The following GRID2 variants were observed in gnomAD, a reference collection of about 807,000 sequenced individuals.
GRID2 encodes glutamate ionotropic receptor delta type subunit 2, also known as glutamate receptor ionotropic, delta-2.
GRID2 carries 33 observed loss-of-function variants against 114.8 expected under a neutral mutation model. The ratio of observed to expected loss-of-function variants is 0.29; its 90% CI spans 0.22 to 0.38. GRID2 has a LOEUF of 0.38. Among genes scored for constraint, GRID2 ranks in the 10% least tolerant of loss-of-function variants. The pLI is 1.00. For missense variants in GRID2, 1,184 were observed against 1,257.7 expected, an observed-to-expected ratio of 0.94 and a Z score of 0.89; for synonymous variants, 505 against 449.9, an observed-to-expected ratio of 1.12 and a Z score of -1.55.
At chr4:93,140,795 G>T (rs1735703089) in intron 4 of GRID2, among the ~76,000 whole-genome samples, 1 of 152,146 alleles carries the variant, frequency 6.6e-6, no homozygotes, top group African/African-American at 2.4e-5. Flanking sequence ...AAATACAGCA[G>T]TATTATGCTC....
chr4:92,343,683 C>T (rs761086422), intron 1 of GRID2, among the ~76,000 whole-genome samples: 2 of 152,104 alleles, frequency 1.3e-5, no homozygotes, highest in Non-Finnish European at 2.9e-5. Flanking sequence ...AAGCAATTCT[C>T]CTGCCTCATC....
rs370436242 is a variant in GRID2 at position 93,130,126 on chromosome 4, GACC to G, written c.735+19174_735+19176del. On this transcript the variant is annotated intron_variant, in intron 4 of 15. Transcript: ENST00000282020. The stretch of plus-strand genomic sequence containing the variant: ...CAGGTTGAGAATTAGACAGGCGGGA[GACC>G]CAAATGCAAAATGAAATTTTACCTT... 4.0e-3 allele frequency among the ~76,000 whole-genome samples: 607 copies of G among 152,252 alleles called. 7 individuals are homozygous for G. Among genetic ancestry groups the G allele is most frequent in the African/African-American group, 0.014 (586 of 41,556 alleles).
chr4:92,582,198 T>C (rs1224791430), intron 1 of GRID2, among the ~76,000 whole-genome samples: 2 of 151,768 alleles, frequency 1.3e-5, no homozygotes, highest in African/African-American at 4.8e-5. Context: ...TTTATATATT[T>C]TATACAATTT....
intron 14 of GRID2, among the ~76,000 whole-genome samples, chr4:93,659,970 A>T (rs1723340163): frequency 6.6e-6 from 1 of 152,164 alleles, no homozygotes; most frequent in South Asian, 2.1e-4. Flanking sequence ...TTACATGAAT[A>T]CCAGCATTGG....
At chr4:92,586,155 T>G (rs1015167644) in intron 1 of GRID2, among the ~76,000 whole-genome samples, 1 of 151,862 alleles carries the variant, frequency 6.6e-6, no homozygotes, top group African/African-American at 2.4e-5. Context: ...TGCTAATTGA[T>G]AAGGACTACC....
intron 1 of GRID2, among the ~76,000 whole-genome samples, chr4:92,558,017 C>T (rs1726938864): frequency 6.6e-6 from 1 of 152,142 alleles, no homozygotes; most frequent in South Asian, 2.1e-4. Context: ...CTAAAAATCA[C>T]AGCCTGTAGG....
At chr4:93,509,485 T>C (rs948823655) in intron 12 of GRID2, among the ~76,000 whole-genome samples, 6 of 152,172 alleles carry the variant, frequency 3.9e-5, no homozygotes, top group South Asian at 2.1e-4. Context: ...CTACTGGTAA[T>C]TGAGTGCTCA....
chr4:93,007,367 A>G (rs1329430428), intron 2 of GRID2, among the ~76,000 whole-genome samples: 1 of 152,156 alleles, frequency 6.6e-6, no homozygotes, highest in Non-Finnish European at 1.5e-5. Context: ...CTGGACTTTC[A>G]GGCAAACAGA....
intron 2 of GRID2, among the ~76,000 whole-genome samples, chr4:92,796,429 A>G (rs79058137): frequency 0.012 from 1,843 of 152,000 alleles, 27 homozygotes; most frequent in East Asian, 0.076. Context: ...CAACCGAAAG[A>G]CTGACAGCTC....
intron 1 of GRID2, among the ~76,000 whole-genome samples, chr4:92,410,423 T>C (rs1469590743): frequency 6.6e-6 from 1 of 152,202 alleles, no homozygotes; most frequent in Non-Finnish European, 1.5e-5. Context: ...AATTCATATA[T>C]CCATGAACAT....
At chr4:93,040,000 C>T (rs1280064024) in intron 2 of GRID2, among the ~76,000 whole-genome samples, 1 of 152,092 alleles carries the variant, frequency 6.6e-6, no homozygotes, top group East Asian at 1.9e-4. Context: ...GTCAAATGCA[C>T]AGGAATTTAG....
At position 93,669,541 on chromosome 4, in the gene GRID2, G is replaced by A. The variant is rs376258189; in HGVS notation, c.2360+43106G>A. On this transcript the variant is annotated intron_variant, in intron 14 of 15. Transcript: ENST00000282020. Reference sequence around the variant, plus strand: ...TGAAGTTAACTAATGTCAGTAAAGCGAAAAACTAATGAAACTCACTGTAAT... The same window carrying A: ...TGAAGTTAACTAATGTCAGTAAAGCAAAAAACTAATGAAACTCACTGTAAT... 1.9e-3 allele frequency among the ~76,000 whole-genome samples: 288 copies of A among 152,106 alleles called. 3 individuals carry two copies. The highest frequency in any genetic ancestry group is 5.1e-3 in the African/African-American group (210 of 41,504).
intron 2 of GRID2, among the ~76,000 whole-genome samples, chr4:92,900,193 A>G (rs1747466988): frequency 6.6e-6 from 1 of 152,204 alleles, no homozygotes; most frequent in African/African-American, 2.4e-5. Flanking sequence ...GCTTTTAACA[A>G]GATCATTCTG....
intron 2 of GRID2, among the ~76,000 whole-genome samples, chr4:92,681,007 T>C (rs1257114363): frequency 6.6e-6 from 1 of 152,112 alleles, no homozygotes; most frequent in East Asian, 1.9e-4. Flanking sequence ...AAGAAATACC[T>C]ATATTTAAAG....
intron 2 of GRID2, among the ~76,000 whole-genome samples, chr4:92,597,557 T>C (rs920184903): frequency 6.6e-6 from 1 of 152,132 alleles, no homozygotes; most frequent in East Asian, 1.9e-4. Context: ...TTTGGAAGAG[T>C]CTTTAGCAGC....
intron 2 of GRID2, among the ~76,000 whole-genome samples, chr4:93,037,425 C>T (rs1725032019): frequency 6.6e-6 from 1 of 152,152 alleles, no homozygotes. Flanking sequence ...TTTTGCTGTG[C>T]AGAAGCTTTT....
chr4:92,536,012 A>G (rs1167978372), intron 1 of GRID2, among the ~76,000 whole-genome samples: 2 of 152,194 alleles, frequency 1.3e-5, no homozygotes, highest in Non-Finnish European at 2.9e-5. Context: ...ACAGCTCATA[A>G]AGGCGTTGCA....
chr4:92,684,253 T>C (rs1733792032), intron 2 of GRID2, among the ~76,000 whole-genome samples: 1 of 152,034 alleles, frequency 6.6e-6, no homozygotes, highest in South Asian at 2.1e-4. Flanking sequence ...GTGCTTAAAG[T>C]GCAGAGTGAT....
intron 1 of GRID2, among the ~76,000 whole-genome samples, chr4:92,481,608 C>T (rs1010402034): frequency 3.3e-5 from 5 of 152,062 alleles, no homozygotes; most frequent in Non-Finnish European, 5.9e-5. Flanking sequence ...ATCAGTATAG[C>T]CTTGTAGTAT....
Sources: gnomAD v4.1 joint callset for allele counts (sites outside exome capture counted in the v4.1 genomes callset) on GRCh38, gnomAD v4.1.1 for gene constraint, MANE v1.5 for transcripts, NCBI Gene and HGNC (gene_info 2026-07-23, HGNC 2026-07-21) for gene names.